Variants in SPTA1 observed in about 807,000 individuals in gnomAD.
SPTA1 encodes spectrin alpha, erythrocytic 1.
Under a neutral mutation model 324.7 loss-of-function variants are expected in SPTA1, and 177 were observed. The observed-to-expected ratio is 0.55, with a 90% CI of 0.48 to 0.62. The LOEUF (loss-of-function observed/expected upper bound fraction) is 0.62, where lower values mean the gene tolerates loss of function less well. Ranked by LOEUF, SPTA1 falls within the 20% of genes least tolerant of loss-of-function variation. The probability of loss-of-function intolerance (pLI) is 0.00; values close to 1 mark genes in which losing one functional copy is unlikely to be tolerated. For synonymous variants in SPTA1, 1,195 were observed against 1,041.3 expected, an observed-to-expected ratio of 1.15 and a Z score of -2.84; for missense variants, 3,162 against 2,883.6, an observed-to-expected ratio of 1.10 and a Z score of -2.21.
Position 158,686,488 on chromosome 1 carries a change from A to T in SPTA1, c.24+6T>A. 1 of 1,575,918 alleles carries T rather than the reference A, an allele frequency of 6.3e-7. No homozygotes were observed. Among genetic ancestry groups the T allele is most frequent in the Non-Finnish European group, 8.7e-7 (1 of 1,145,896 alleles). ...CAAATTGCATGGAAGAGAAATATGT[A>T]CTTACGGTTTCCTTTGGAAATTGCT... On this transcript the variant is annotated splice_donor_region_variant and intron_variant, in intron 1 of 51. Transcript: ENST00000643759.
chr1:158,678,563 T>C (rs776961139), intron 5 of SPTA1, 29 bp from the exon 6 acceptor site: 2 of 1,611,066 alleles, frequency 1.2e-6, no homozygotes, highest in Admixed American at 1.7e-5. Flanking sequence ...ACTGGAGTTA[T>C]ACAGAGATGA....
chr1:158,623,772 TGAGAA>T (rs1650080508), intron 42 of SPTA1, among the ~76,000 whole-genome samples: 1 of 152,222 alleles, frequency 6.6e-6, no homozygotes, highest in Admixed American at 6.5e-5. Flanking sequence ...ATTAGCAGTG[TGAGAA>T]CAGACTAATA....
In SPTA1 at chr1:158,612,849, T is replaced by C; in HGVS notation, c.7102A>G (p.Lys2368Glu). Residue 2368 changes from lysine (K) to glutamate (E), a missense_variant, in exon 51 of 52, where the codon AAG (lysine) becomes GAG (glutamate). Physicochemically the swap from Lys to Glu is moderately conservative, Grantham distance 56. Transcript: ENST00000643759. The stretch of plus-strand genomic sequence containing the variant: ...ATGTCTTCTTTGGTAATATATGACT[T>C]GCCCTCTGCCAGGGCTTGGAAGGCA... The part of the protein sequence containing the change: ...ENAFQALAEG[K>E]SYITKEDMKQ... 5 of 1,613,964 alleles carry C rather than the reference T, an allele frequency of 3.1e-6. No homozygotes were observed. The highest frequency in any genetic ancestry group is 3.4e-6 in the Non-Finnish European group (4 of 1,179,890).
At chr1:158,661,573 ATCTTTGT>A in intron 17 of SPTA1, 164 bp from the exon 18 acceptor site, 1 of 878,172 alleles carries the variant, frequency 1.1e-6, no homozygotes. Context: ...CACTCTACTT[ATCTTTGT>A]TCTTCCCCTG....
intron 33 of SPTA1, 120 bp from the exon 34 acceptor site, chr1:158,640,127 G>A (rs1651433940): frequency 2.5e-6 from 3 of 1,223,268 alleles, no homozygotes; most frequent in Admixed American, 1.8e-5. Flanking sequence ...GCTGATACTT[G>A]AATATCATAC....
intron 33 of SPTA1, among the ~76,000 whole-genome samples, 185 bp downstream of exon 33, chr1:158,642,226 G>C (rs1241271645): frequency 6.6e-6 from 1 of 151,746 alleles, no homozygotes; most frequent in African/African-American, 2.4e-5. Context: ...AAGTTAATGG[G>C]TGCAGCACAC....
In SPTA1 at chr1:158,675,502, G is replaced by A. The variant is rs555134489; in HGVS notation, c.1112+639C>T. Among the ~76,000 whole-genome samples, 13 of 152,166 alleles carry A rather than the reference G, an allele frequency of 8.5e-5. No homozygotes were observed. The South Asian group carries it at 2.7e-3, about 32-fold the overall frequency. ...CACAGGAGTCTCCCTTTATTTGTGG[G>A]AGATACATTTCAATATGCCCAGCAG... On this transcript the variant is annotated intron_variant, in intron 8 of 51. Transcript: ENST00000643759.
chr1:158,641,139 AC>A (rs1359283417), intron 33 of SPTA1, among the ~76,000 whole-genome samples: 8 of 151,672 alleles, frequency 5.3e-5, no homozygotes, highest in African/African-American at 1.7e-4. Flanking sequence ...CTTTCCTTAA[AC>A]CTTATACAAA....
At chr1:158,653,205 G>T in intron 22 of SPTA1, 69 bp downstream of exon 22, 1 of 1,607,420 alleles carries the variant, frequency 6.2e-7, no homozygotes, top group East Asian at 2.2e-5. Context: ...GCAGGGTCAT[G>T]AGAAGAAATG....
In SPTA1 at chr1:158,654,670, G is replaced by GT; in HGVS notation, c.2976_2977insA (p.Pro993ThrfsTer10). The stretch of plus-strand genomic sequence containing the variant: ...CCTTTCTTCATGGTGACTTCTCGGG[G>GT]GCTGCGGGCCTGGAAGTCATATAAA... On this transcript the variant is annotated frameshift_variant, in exon 21 of 52. Transcript: ENST00000643759. LOFTEE classifies it high-confidence loss of function. 6.2e-7 allele frequency: 1 copy of GT among 1,613,942 alleles called. No individual in the cohort carries two copies. The highest frequency in any genetic ancestry group is 8.5e-7 in the Non-Finnish European group (1 of 1,179,984).
Position 158,639,928 on chromosome 1 carries a change from G to A in SPTA1, c.4817C>T (p.Ala1606Val), listed in dbSNP as rs1202747436. ...TGTGTTGAACCTCTGTTGACGACTG[G>A]CCTCATTGAGCTTCTTCCCTTTGTC... ...TNDKGKKLNE[A>V]SRQQRFNTSI... The change falls in exon 34 of 52, where the codon GCC (alanine) becomes GTC (valine). Residue 1606 changes from alanine (A) to valine (V), a missense_variant. Ala to Val is a moderately conservative substitution (Grantham distance 64, BLOSUM62 0). Coordinates refer to ENST00000643759, the MANE Select transcript of SPTA1 (RefSeq NM_003126.4). The A allele has an allele frequency of 1.9e-6, 3 of 1,613,880 alleles. No homozygotes were observed. Among genetic ancestry groups the A allele is most frequent in the South Asian group, 2.2e-5 (2 of 91,078 alleles).
At chr1:158,677,123 G>A (rs1382730078) in intron 7 of SPTA1, among the ~76,000 whole-genome samples, 1 of 152,134 alleles carries the variant, frequency 6.6e-6, no homozygotes, top group African/African-American at 2.4e-5. Flanking sequence ...CTACATTTGT[G>A]AGGGGAAGAA....
rs957929754 is a variant in SPTA1 at position 158,674,264 on chromosome 1, T to C, written c.1350+65A>G. ...TTCCCATTTAGAGATTATCATATTA[T>C]TGTGAGATTATGTAATGACTACATA... On this transcript the variant is annotated intron_variant, in intron 10 of 51. Coordinates refer to ENST00000643759, the MANE Select transcript of SPTA1 (RefSeq NM_003126.4). The C allele has an allele frequency of 1.7e-5, 25 of 1,429,024 alleles. No homozygotes were observed. In the Middle Eastern group the frequency reaches 7.0e-4, roughly 40 times the overall value. 88.5% of individuals were successfully genotyped at this position (1,429,024 alleles called of 1,614,324 possible). A position where few individuals can be genotyped will look rare whatever the true frequency, so the allele number is the denominator to read the frequency against.
At position 158,671,651 on chromosome 1, in the gene SPTA1, T is replaced by C. The variant is rs857932; in HGVS notation, c.1489-198A>G. 0.46 allele frequency among the ~76,000 whole-genome samples: 70,021 copies of C among 151,868 alleles called. 16,622 individuals are homozygous for C. The highest frequency in any genetic ancestry group is 0.58 in the African/African-American group (24,017 of 41,412). ...TGATACTCTCATACAATTTTCTCACTTATGTTTCTGGGTCTGTCCACATGG... is the reference window on the plus strand; with the variant it reads ...TGATACTCTCATACAATTTTCTCACCTATGTTTCTGGGTCTGTCCACATGG... On this transcript the variant is annotated intron_variant, in intron 11 of 51. Coordinates refer to ENST00000643759, the MANE Select transcript of SPTA1 (RefSeq NM_003126.4).
At chr1:158,628,234 G>A (rs1314357634) in intron 39 of SPTA1, among the ~76,000 whole-genome samples, 2 of 152,118 alleles carry the variant, frequency 1.3e-5, no homozygotes, top group Non-Finnish European at 2.9e-5. Flanking sequence ...AAAGAGAAGT[G>A]AGGCTGAAGC....
intron 11 of SPTA1, among the ~76,000 whole-genome samples, chr1:158,671,660 T>C (rs769099555): frequency 2.1e-4 from 32 of 152,306 alleles, no homozygotes; most frequent in Admixed American, 1.1e-3. Context: ...CTTATGTTTC[T>C]GGGTCTGTCC....
intron 11 of SPTA1, 70 bp from the exon 12 acceptor site, chr1:158,671,523 T>G: frequency 8.0e-7 from 1 of 1,251,792 alleles, no homozygotes; most frequent in Non-Finnish European, 1.2e-6. Flanking sequence ...GGCATATCTC[T>G]GAGACAAGGA....
intron 40 of SPTA1, among the ~76,000 whole-genome samples, chr1:158,627,364 G>T (rs1296469813): frequency 1.3e-5 from 2 of 152,136 alleles, no homozygotes; most frequent in African/African-American, 4.8e-5. Context: ...ACCATGCTCT[G>T]TATAGGACAA....
At chr1:158,639,763 C>T in intron 34 of SPTA1, 77 bp from the exon 35 acceptor site, 3 of 1,608,366 alleles carry the variant, frequency 1.9e-6, no homozygotes, top group Non-Finnish European at 2.6e-6. Context: ...AGCTATGTCC[C>T]CAAACTTTTC....
Sources: gnomAD v4.1 joint callset for allele counts (sites outside exome capture counted in the v4.1 genomes callset) on GRCh38, gnomAD v4.1.1 for gene constraint, MANE v1.5 for transcripts, NCBI Gene and HGNC (gene_info 2026-07-23, HGNC 2026-07-21) for gene names.